Variants in GOLGB1 observed in about 807,000 individuals in gnomAD.
The protein encoded by GOLGB1 is golgin B1.
In GOLGB1, 174 loss-of-function variants were observed where a neutral mutation model predicts 336.9. That is an observed-to-expected ratio of 0.52 (90% confidence interval 0.46 to 0.59). GOLGB1 has a LOEUF of 0.59. Among genes scored for constraint, GOLGB1 ranks in the 20% least tolerant of loss-of-function variants. GOLGB1 has a pLI of 0.00. For synonymous variants in GOLGB1, 1,208 were observed against 1,289.2 expected (o/e 0.94, Z 1.35); for missense variants, 3,331 against 3,645.3 (o/e 0.91, Z 2.22).
intron 15 of GOLGB1, among the ~76,000 whole-genome samples, chr3:121,678,182 C>A (rs1178135804): frequency 6.6e-6 from 1 of 152,142 alleles, no homozygotes; most frequent in African/African-American, 2.4e-5. Flanking sequence ...CAACTCCATG[C>A]AATGAGCTTG....
At chr3:121,670,764 G>C (rs991984235) in intron 17 of GOLGB1, among the ~76,000 whole-genome samples, 11 of 148,584 alleles carry the variant, frequency 7.4e-5, no homozygotes, top group South Asian at 2.2e-4. Flanking sequence ...TTGGGGGGGG[G>C]GGTGTGGGAG....
chr3:121,668,318 A>T, intron 18 of GOLGB1, 160 bp from the exon 19 acceptor site: 1 of 492,952 alleles, frequency 2.0e-6, no homozygotes, highest in South Asian at 3.2e-5. Context: ...ACTCACCTAC[A>T]TAAAACTCTT....
chr3:121,707,688 C>G (rs1329448768), intron 10 of GOLGB1, among the ~76,000 whole-genome samples: 1 of 149,752 alleles, frequency 6.7e-6, no homozygotes, highest in Non-Finnish European at 1.5e-5. Context: ...AAAAATGATA[C>G]CAGATGGAAA....
In GOLGB1 at chr3:121,669,268, C is replaced by CATA; in HGVS notation, c.9262_9264dup (p.Tyr3088dup). The stretch of plus-strand genomic sequence containing the variant: ...ACTGCACAGTGATTTAAAAGGTCAC[C>CATA]ATAGTGCTGCTGGTTCTCACGAAGA... On this transcript the variant is annotated inframe_insertion, in exon 18 of 22. Coordinates refer to ENST00000614479, the MANE Select transcript of GOLGB1 (RefSeq NM_001366282.2). The CATA allele has an allele frequency of 6.2e-7, 1 of 1,614,008 alleles. No individual in the cohort carries two copies. Among genetic ancestry groups the CATA allele is most frequent in the Non-Finnish European group, 8.5e-7 (1 of 1,179,886 alleles).
At chr3:121,721,388 A>T (rs1184426387) in intron 6 of GOLGB1, among the ~76,000 whole-genome samples, 1 of 152,026 alleles carries the variant, frequency 6.6e-6, no homozygotes, top group Non-Finnish European at 1.5e-5. Flanking sequence ...GCACTTTGGG[A>T]GGCCGAGGTG....
intron 1 of GOLGB1, among the ~76,000 whole-genome samples, chr3:121,748,607 G>A (rs1273858213): frequency 6.6e-6 from 1 of 152,160 alleles, no homozygotes; most frequent in Non-Finnish European, 1.5e-5. Context: ...GATATTTCCT[G>A]AGTTTGCCCC....
chr3:121,722,221 G>T, intron 6 of GOLGB1, 41 bp downstream of exon 6: 1 of 1,109,260 alleles, frequency 9.0e-7, no homozygotes, highest in Non-Finnish European at 1.4e-6. Flanking sequence ...ATAACCCACT[G>T]GACTTCATAG....
chr3:121,738,957 T>G (rs1946669593), intron 1 of GOLGB1, among the ~76,000 whole-genome samples: 1 of 152,150 alleles, frequency 6.6e-6, no homozygotes, highest in Admixed American at 6.5e-5. Flanking sequence ...CAACACTAAA[T>G]TCATATTAAA....
Position 121,677,308 on chromosome 3 carries a change from G to A in GOLGB1, c.9016C>T (p.Leu3006Phe). 6.2e-7 allele frequency: 1 copy of A among 1,611,318 alleles called. No individual in the cohort carries two copies. Among genetic ancestry groups the A allele is most frequent in the Non-Finnish European group, 8.5e-7 (1 of 1,177,964 alleles). Residue 3006 changes from leucine (L) to phenylalanine (F), a missense_variant, in exon 16 of 22, where the codon CTC (leucine) becomes TTC (phenylalanine). By Grantham distance (22) the Leu-to-Phe change is conservative. Coordinates refer to ENST00000614479, the MANE Select transcript of GOLGB1 (RefSeq NM_001366282.2). ...ACCTGTCTTTGGTATTGCACTTTGA[G>A]AGGCTGAGTCTGGGAGGAAGAAGAC... Reference protein sequence around the residue: ...LRSSSSQTQPLKVQYQRQASP... With the variant: ...LRSSSSQTQPFKVQYQRQASP...
intron 1 of GOLGB1, among the ~76,000 whole-genome samples, chr3:121,739,342 C>T (rs190231203): frequency 1.3e-5 from 2 of 152,120 alleles, no homozygotes; most frequent in East Asian, 3.9e-4. Context: ...GGAAAACGAT[C>T]ATGATAACAT....
At chr3:121,739,259 T>C (rs1946692642) in intron 1 of GOLGB1, among the ~76,000 whole-genome samples, 1 of 151,470 alleles carries the variant, frequency 6.6e-6, no homozygotes, top group Non-Finnish European at 1.5e-5. Context: ...AGTAAGACCC[T>C]GTCACAAAAA....
intron 4 of GOLGB1, among the ~76,000 whole-genome samples, chr3:121,727,709 T>C (rs1945783902): frequency 6.6e-6 from 1 of 151,978 alleles, no homozygotes; most frequent in Non-Finnish European, 1.5e-5. Context: ...TAGACTGAGA[T>C]TCTGCCTCTT....
At chr3:121,728,715 C>A (rs1398577162) in intron 4 of GOLGB1, among the ~76,000 whole-genome samples, 2 of 152,188 alleles carry the variant, frequency 1.3e-5, no homozygotes, top group Non-Finnish European at 2.9e-5. Context: ...CCAGGTAATT[C>A]AGCTGATTCA....
Position 121,718,516 on chromosome 3 carries a change from T to A in GOLGB1, c.772-15A>T. 6.7e-7 allele frequency: 1 copy of A among 1,502,596 alleles called. No homozygotes were observed. The allele number at this position is 1,502,596 out of a possible 1,614,324, so 93.1% of individuals were successfully genotyped here. Reference sequence around the variant, plus strand: ...ACCCTCAATTTCTGAGAAGAAAACATTTTAGACATAATATGCTAACAAATG... The same window carrying A: ...ACCCTCAATTTCTGAGAAGAAAACAATTTAGACATAATATGCTAACAAATG... On this transcript the variant is annotated splice_polypyrimidine_tract_variant and intron_variant, in intron 7 of 21. Coordinates refer to ENST00000614479, the MANE Select transcript of GOLGB1 (RefSeq NM_001366282.2).
In GOLGB1 at chr3:121,664,538, G is replaced by A. The variant is rs777477947; in HGVS notation, c.9737C>T (p.Ala3246Val). 6.2e-7 allele frequency: 1 copy of A among 1,613,332 alleles called. No individual in the cohort carries two copies. The highest frequency in any genetic ancestry group is 8.5e-7 in the Non-Finnish European group (1 of 1,179,290). ...HSRTRVPLLA[A>V]IYFLMIHVLL... ...GACATGAATCATTAGAAAGTAGATGGCTGCTAGAAGTGGCACTCGGGTCCG... is the reference window on the plus strand; with the variant it reads ...GACATGAATCATTAGAAAGTAGATGACTGCTAGAAGTGGCACTCGGGTCCG... The change falls in exon 22 of 22, where the codon GCC becomes GTC. Residue 3246 changes from alanine to valine, a missense_variant. Ala to Val is a moderately conservative substitution (Grantham distance 64). Coordinates refer to ENST00000614479, the MANE Select transcript of GOLGB1 (RefSeq NM_001366282.2).
At chr3:121,709,388 C>A (rs1005313665) in intron 10 of GOLGB1, among the ~76,000 whole-genome samples, 5 of 152,108 alleles carry the variant, frequency 3.3e-5, no homozygotes, top group Non-Finnish European at 7.4e-5. Context: ...TACAAGTGTA[C>A]AAGGTATGTT....
intron 1 of GOLGB1, among the ~76,000 whole-genome samples, chr3:121,737,058 C>T (rs1240402148): frequency 6.6e-6 from 1 of 152,118 alleles, no homozygotes; most frequent in Non-Finnish European, 1.5e-5. Context: ...GAAAAAGCTA[C>T]CATGGTTGTG....
intron 14 of GOLGB1, among the ~76,000 whole-genome samples, chr3:121,682,625 A>C (rs1413011511): frequency 6.6e-6 from 1 of 152,192 alleles, no homozygotes; most frequent in African/African-American, 2.4e-5. Flanking sequence ...CTTTATCTCC[A>C]ATACTCATTA....
Position 121,669,273 on chromosome 3 carries a change from T to A in GOLGB1, c.9260A>T (p.His3087Leu), listed in dbSNP as rs748828340. ...ACAGTGATTTAAAAGGTCACCATAG[T>A]GCTGCTGGTTCTCACGAAGACTCTG... ...TSQSLRENQQ[H>L]YGDLLNHCAV... Residue 3087 changes from histidine to leucine, a missense_variant, in exon 18 of 22, where the codon CAC becomes CTC. Transcript: ENST00000614479. 11 of 1,613,870 alleles carry A rather than the reference T, an allele frequency of 6.8e-6. No homozygotes were observed. The African/African-American group carries it at 1.1e-4, about 16-fold the overall frequency.
Sources: gnomAD v4.1 joint callset for allele counts (sites outside exome capture counted in the v4.1 genomes callset) on GRCh38, gnomAD v4.1.1 for gene constraint, MANE v1.5 for transcripts, NCBI Gene and HGNC (gene_info 2026-07-23, HGNC 2026-07-21) for gene names.